Variants in XAF1 observed in about 807,000 individuals in gnomAD.
XAF1 encodes XIAP associated factor 1.
Under a neutral mutation model 32.3 loss-of-function variants are expected in XAF1, and 32 were observed. The observed-to-expected ratio is 0.99, with a 90% CI of 0.75 to 1.33. The LOEUF is 1.33. Ranked by LOEUF, XAF1 falls within the 40% of genes most tolerant of loss-of-function variation. The pLI, the probability that XAF1 is intolerant of heterozygous loss-of-function variation, is 0.00. For synonymous variants in XAF1, 120 were observed against 125.9 expected (o/e 0.95, Z 0.31); for missense variants, 379 against 366.0 (o/e 1.04, Z -0.29).
chr17:6,758,790 A>G, intron 2 of XAF1: 1 of 241,408 alleles, frequency 4.1e-6, no homozygotes, highest in Non-Finnish European at 8.0e-6. Flanking sequence ...TCTGGGAGTC[A>G]AGGAGAGTGT....
chr17:6,762,094 A>G, intron 4 of XAF1, 61 bp from the exon 5 acceptor site: 1 of 1,609,548 alleles, frequency 6.2e-7, no homozygotes. Flanking sequence ...CAGTTGTGGG[A>G]GAGCTGGGCT....
At chr17:6,771,984 CT>C (rs1976067669) in intron 6 of XAF1, 1 of 152,206 alleles carries the variant, frequency 6.6e-6, no homozygotes, top group Non-Finnish European at 1.5e-5. Context: ...ATACTTTTTA[CT>C]CTGCCACATG....
chr17:6,761,308 A>G (rs1258204461), intron 4 of XAF1, among the ~76,000 whole-genome samples: 1 of 152,204 alleles, frequency 6.6e-6, no homozygotes, highest in Non-Finnish European at 1.5e-5. Context: ...CTAGAGGCAA[A>G]AATAAGACTG....
upstream of XAF1, chr17:6,755,931 C>T: frequency 2.0e-6 from 3 of 1,525,476 alleles, no homozygotes; most frequent in East Asian, 2.4e-5. Flanking sequence ...AGGGTCCAGC[C>T]TCAGGAATCA....
chr17:6,771,623 GA>G (rs1486747696), intron 6 of XAF1: 3 of 152,200 alleles, frequency 2.0e-5, no homozygotes, highest in African/African-American at 7.2e-5. Context: ...CAGATAAGGT[GA>G]AGTAGCTTTC....
intron 5 of XAF1, among the ~76,000 whole-genome samples, chr17:6,767,694 C>T (rs1975715202): frequency 6.6e-6 from 1 of 152,078 alleles, no homozygotes; most frequent in African/African-American, 2.4e-5. Context: ...AATTTTCCCC[C>T]ATCGTTTTGG....
intron 5 of XAF1, 32 bp downstream of exon 5, chr17:6,762,272 C>T (rs1975280535): frequency 1.3e-6 from 2 of 1,544,520 alleles, no homozygotes; most frequent in Non-Finnish European, 1.8e-6. Context: ...TCTAATGGTG[C>T]CAATAGTTCA....
At chr17:6,770,499 C>A (rs1975937804) in intron 5 of XAF1, 144 bp from the exon 6 acceptor site, 4 of 670,136 alleles carry the variant, frequency 6.0e-6, no homozygotes, top group East Asian at 3.1e-5. Context: ...GCAAAGCCAG[C>A]TATTAAATTG....
chr17:6,767,769 T>C (rs1021176714), intron 5 of XAF1, among the ~76,000 whole-genome samples: 2 of 145,480 alleles, frequency 1.4e-5, no homozygotes, highest in Non-Finnish European at 2.9e-5. Context: ...TGCTGCTTGC[T>C]TCTCCCTTGT....
At chr17:6,771,266 A>G in intron 6 of XAF1, 1 of 337,792 alleles carries the variant, frequency 3.0e-6, no homozygotes, top group Non-Finnish European at 5.5e-6. Flanking sequence ...CCAGGGATTG[A>G]TTTGGAGCAA....
intron 3 of XAF1, 32 bp downstream of exon 3, chr17:6,759,750 C>A (rs766004355): frequency 6.2e-7 from 1 of 1,613,742 alleles, no homozygotes; most frequent in South Asian, 1.1e-5. Context: ...TCCTTTACAG[C>A]CAAATAGACC....
intron 4 of XAF1, among the ~76,000 whole-genome samples, chr17:6,761,371 G>T (rs1975192448): frequency 6.6e-6 from 1 of 152,214 alleles, no homozygotes; most frequent in African/African-American, 2.4e-5. Flanking sequence ...TATCAACAAT[G>T]GCCAGAAGGG....
intron 4 of XAF1, chr17:6,761,902 AG>A (rs1465718633): frequency 2.7e-6 from 4 of 1,483,268 alleles, no homozygotes; most frequent in Non-Finnish European, 3.6e-6. Flanking sequence ...GTCCTGATCC[AG>A]GAAAATGTCT....
Position 6,758,223 on chromosome 17 carries a change from A to T in XAF1, c.167A>T (p.Gln56Leu). Residue 56 changes from glutamine to leucine, a missense_variant and splice_region_variant, in exon 2 of 7, where the codon CAG becomes CTG. Gln to Leu is a moderately radical substitution (Grantham distance 113, BLOSUM62 -2). Transcript: ENST00000361842. The stretch of plus-strand genomic sequence containing the variant: ...GAGCACTGCAAGCTTGAGCACCAGC[A>T]GGTGAGGAGGCGGCAGGGAGGATGG... ...MEEHCKLEHQ[Q>L]VGCTMCQQSM... is the part of the protein sequence containing the mutation. 6.2e-7 allele frequency: 1 copy of T among 1,614,112 alleles called. No individual in the cohort carries two copies. Among genetic ancestry groups the T allele is most frequent in the Non-Finnish European group, 8.5e-7 (1 of 1,179,992 alleles).
At position 6,770,947 on chromosome 17, in the gene XAF1, G is replaced by T. The variant is rs886225931; in HGVS notation, c.812G>T (p.Gly271Val). ...ATTCTGAGGAGATGTTCTCAGTGTG[G>T]CATCCTGCTTCCCCTGCCGATCCTA... Reference protein sequence around the residue: ...YDILRRCSQCGILLPLPILNQ... With the variant: ...YDILRRCSQCVILLPLPILNQ... Residue 271 changes from glycine (G) to valine (V), a missense_variant, in exon 6 of 7, where the codon GGC becomes GTC. Transcript: ENST00000361842. 1.2e-6 allele frequency: 2 copies of T among 1,614,054 alleles called. No individual in the cohort carries two copies. The highest frequency in any genetic ancestry group is 1.7e-6 in the Non-Finnish European group (2 of 1,180,006).
At chr17:6,762,629 C>G (rs538229423) in intron 5 of XAF1, among the ~76,000 whole-genome samples, 1 of 152,308 alleles carries the variant, frequency 6.6e-6, no homozygotes, top group South Asian at 2.1e-4. Flanking sequence ...ATGACTTTTT[C>G]CATTTTCCTG....
rs138105690 is a variant in XAF1 at position 6,766,900 on chromosome 17, C to T, written c.508-3743C>T. 2.6e-3 allele frequency among the ~76,000 whole-genome samples: 399 copies of T among 152,298 alleles called. 3 individuals carry two copies. The highest frequency in any genetic ancestry group is 8.8e-3 in the African/African-American group (367 of 41,560). On this transcript the variant is annotated intron_variant, in intron 5 of 6. Transcript: ENST00000361842. ...TCTGGAATTTCTTCCACTCTCTCCACGGTTGGAGTTCTGATTCCCAAATCT... is the reference window on the plus strand; with the variant it reads ...TCTGGAATTTCTTCCACTCTCTCCATGGTTGGAGTTCTGATTCCCAAATCT...
At chr17:6,765,450 TA>T (rs893230604) in intron 5 of XAF1, among the ~76,000 whole-genome samples, 2 of 152,180 alleles carry the variant, frequency 1.3e-5, no homozygotes, top group Admixed American at 1.3e-4. Context: ...AAAAATTTTT[TA>T]AAAAGCCATA....
chr17:6,757,432 G>GAAGAACC, intron 1 of XAF1: 1 of 152,404 alleles, frequency 6.6e-6, no homozygotes, highest in East Asian at 1.9e-4. Flanking sequence ...GTTAGCGCAG[G>GAAGAACC]TGAACCTGAA....
Sources: gnomAD v4.1 joint callset for allele counts (sites outside exome capture counted in the v4.1 genomes callset) on GRCh38, gnomAD v4.1.1 for gene constraint, MANE v1.5 for transcripts, NCBI Gene and HGNC (gene_info 2026-07-23, HGNC 2026-07-21) for gene names.